MTR: variants seen among roughly 807,000 people sequenced by gnomAD.
The protein encoded by MTR is methionine synthase.
Under a neutral mutation model 154.8 loss-of-function variants are expected in MTR, and 84 were observed. The ratio of observed to expected loss-of-function variants is 0.54; its 90% CI spans 0.45 to 0.65. The LOEUF (loss-of-function observed/expected upper bound fraction) is 0.65, where lower values mean the gene tolerates loss of function less well. MTR is among the 30% of genes least tolerant of loss of function. The pLI is 0.00. For missense variants in MTR, 1,275 were observed against 1,570.2 expected (o/e 0.81, Z 3.18); for synonymous variants, 554 against 553.9 (o/e 1.00, Z 0.00).
intron 11 of MTR, 129 bp from the exon 12 acceptor site, chr1:236,829,056 AGTAG>A: frequency 1.4e-6 from 1 of 694,142 alleles, no homozygotes; most frequent in Non-Finnish European, 2.5e-6. Flanking sequence ...CACACTTGGA[AGTAG>A]GTATATAATT....
In MTR at chr1:236,810,357, T is replaced by G. The variant is rs532177604; in HGVS notation, c.410-146T>G. 3.7e-5 allele frequency: 26 copies of G among 701,680 alleles called. No homozygotes were observed. In the African/African-American group the frequency reaches 4.6e-4, roughly 12 times the overall value. The allele number at this position is 701,680 out of a possible 1,614,324, so 43.5% of individuals were successfully genotyped here. On this transcript the variant is annotated intron_variant, in intron 4 of 32. Transcript: ENST00000366577. ...TTATTGTCAAACTGAGAAAAAAGTT[T>G]GGGCTTTTAGAGCTTTTTGGATTTC... is the stretch of plus-strand genomic sequence containing the variant.
intron 16 of MTR, among the ~76,000 whole-genome samples, chr1:236,851,877 A>G (rs1371326623): frequency 6.6e-6 from 1 of 152,152 alleles, no homozygotes; most frequent in Non-Finnish European, 1.5e-5. Context: ...TAACTGTTCT[A>G]TTGTTGATGG....
rs1271358776 is a variant in MTR at position 236,863,514 on chromosome 1, A to C, written c.2365A>C (p.Lys789Gln). The change falls in exon 22 of 33, where the codon AAG becomes CAG. Residue 789 changes from lysine to glutamine, a missense_variant. By Grantham distance (53) the Lys-to-Gln change is moderately conservative. Transcript: ENST00000366577. ...TAAAGGCGACGTGCACGACATAGGC[A>C]AGAACATAGTTGGAGTAGTCCTTGG... is the stretch of plus-strand genomic sequence containing the variant. ...TVKGDVHDIGKNIVGVVLGCN... is the reference protein window; with the variant it reads ...TVKGDVHDIGQNIVGVVLGCN... The C allele has an allele frequency of 6.2e-7, 1 of 1,614,008 alleles. No homozygotes were observed. Among genetic ancestry groups the C allele is most frequent in the Non-Finnish European group, 8.5e-7 (1 of 1,179,986 alleles).
At chr1:236,869,584 G>A (rs1558325141) in intron 22 of MTR, among the ~76,000 whole-genome samples, 1 of 152,170 alleles carries the variant, frequency 6.6e-6, no homozygotes, top group African/African-American at 2.4e-5. Context: ...CCCATGTGGC[G>A]AAATACAGGA....
chr1:236,858,805 G>T (rs574921893), intron 18 of MTR, among the ~76,000 whole-genome samples: 1 of 152,292 alleles, frequency 6.6e-6, no homozygotes, highest in South Asian at 2.1e-4. Context: ...TCCAGTTGAG[G>T]TGGAGAAAAC....
rs760845484 is a variant in MTR at position 236,803,461 on chromosome 1, A to G, written c.68A>G (p.Asn23Ser). The change falls in exon 2 of 33, where the codon AAT becomes AGT. Residue 23 changes from asparagine to serine, a missense_variant. Asn to Ser is a conservative substitution (Grantham distance 46). Transcript: ENST00000366577. ...AAGAAAACCCTGCGGGATGAGATCA[A>G]TGCCATTCTGCAGAAGAGGATTATG... ...GLKKTLRDEI[N>S]AILQKRIMVL... The G allele has an allele frequency of 5.3e-5, 86 of 1,614,060 alleles. No homozygotes were observed. Among genetic ancestry groups the G allele is most frequent in the Middle Eastern group, 1.6e-4 (1 of 6,078 alleles).
chr1:236,861,034 C>A, intron 19 of MTR, 91 bp from the exon 20 acceptor site: 2 of 1,161,984 alleles, frequency 1.7e-6, no homozygotes, highest in Non-Finnish European at 1.2e-6. Flanking sequence ...TAGGCATTTT[C>A]ATGATGGCTC....
At position 236,889,231 on chromosome 1, in the gene MTR, A is replaced by G. The variant is rs1558342338; in HGVS notation, c.2902A>G (p.Lys968Glu). The change falls in exon 28 of 33, where the codon AAG becomes GAG. Residue 968 changes from lysine to glutamate, a missense_variant. Coordinates refer to ENST00000366577, the MANE Select transcript of MTR (RefSeq NM_000254.3). ...TQVFEDYDLQ[K>E]LVDYIDWKPF... is the part of the protein sequence containing the mutation. ...GGTCTTTGAAGACTATGACCTGCAG[A>G]AGCTGGTGGACTACATTGACTGGAA... The G allele has an allele frequency of 3.7e-6, 6 of 1,614,194 alleles. No individual in the cohort carries two copies. Among genetic ancestry groups the G allele is most frequent in the Non-Finnish European group, 5.1e-6 (6 of 1,180,028 alleles).
chr1:236,875,842 G>A (rs1665402756), intron 24 of MTR, among the ~76,000 whole-genome samples: 1 of 152,130 alleles, frequency 6.6e-6, no homozygotes, highest in Non-Finnish European at 1.5e-5. Context: ...TATATAGAGA[G>A]AAAGAGATTT....
chr1:236,863,421 C>T (rs1664659365), intron 21 of MTR, 33 bp from the exon 22 acceptor site: 15 of 1,586,720 alleles, frequency 9.5e-6, no homozygotes, highest in Non-Finnish European at 1.3e-5. Context: ...CTAAACAACC[C>T]TGCCTTGCTG....
At chr1:236,891,423 C>A in intron 29 of MTR, 94 bp downstream of exon 29, 2 of 1,262,478 alleles carry the variant, frequency 1.6e-6, no homozygotes, top group Non-Finnish European at 2.3e-6. Flanking sequence ...GTCTGCTTCA[C>A]CTCCTCCCAA....
intron 22 of MTR, among the ~76,000 whole-genome samples, chr1:236,871,548 T>G (rs1007717728): frequency 6.6e-6 from 1 of 152,234 alleles, no homozygotes; most frequent in African/African-American, 2.4e-5. Flanking sequence ...ATGTATGCCT[T>G]TTTGTCTTGA....
chr1:236,887,965 A>G (rs1249105969), intron 27 of MTR, among the ~76,000 whole-genome samples: 1 of 152,224 alleles, frequency 6.6e-6, no homozygotes, highest in East Asian at 1.9e-4. Flanking sequence ...TACTAAGGGG[A>G]CTATAAAGGC....
intron 6 of MTR, 132 bp downstream of exon 6, chr1:236,812,976 G>T (rs1661389264): frequency 1.3e-6 from 1 of 776,518 alleles, no homozygotes. Flanking sequence ...TTTTATTCTT[G>T]AGTATTTTTA....
chr1:236,827,217 C>T (rs1043973276), intron 11 of MTR, among the ~76,000 whole-genome samples: 8 of 152,156 alleles, frequency 5.3e-5, no homozygotes, highest in Admixed American at 3.3e-4. Context: ...ATGAAAGAGG[C>T]CTTAAAAGAA....
chr1:236,880,912 C>A, intron 25 of MTR, 76 bp downstream of exon 25: 3 of 1,382,944 alleles, frequency 2.2e-6, no homozygotes, highest in Non-Finnish European at 3.1e-6. Flanking sequence ...AACTTAAGAT[C>A]TATTCATTTT....
intron 1 of MTR, among the ~76,000 whole-genome samples, chr1:236,802,006 T>C (rs543273862): frequency 1.3e-5 from 2 of 152,230 alleles, no homozygotes; most frequent in Admixed American, 1.3e-4. Flanking sequence ...AAACTAGAGC[T>C]CAGAGAGGAT....
rs775527576 is a variant in MTR at position 236,885,227 on chromosome 1, G to C, written c.2775+8G>C. The C allele has an allele frequency of 1.3e-6, 2 of 1,521,128 alleles. No homozygotes were observed. The highest frequency in any genetic ancestry group is 2.7e-5 in the African/African-American group (2 of 72,802). The allele number at this position is 1,521,128 out of a possible 1,614,324, so 94.2% of individuals were successfully genotyped here. ...CATTATGAGTCTCTCAAGGTAAGTG[G>C]TAGAAACAGATTTTTGCTTGTTTTT... On this transcript the variant is annotated splice_region_variant and intron_variant, in intron 26 of 32. Coordinates refer to ENST00000366577, the MANE Select transcript of MTR (RefSeq NM_000254.3).
intron 18 of MTR, among the ~76,000 whole-genome samples, chr1:236,859,327 A>T (rs978319864): frequency 6.6e-6 from 1 of 152,244 alleles, no homozygotes; most frequent in Non-Finnish European, 1.5e-5. Context: ...GGGCAGAGGG[A>T]TTAGGTTTCC....
Sources: gnomAD v4.1 joint callset for allele counts (sites outside exome capture counted in the v4.1 genomes callset) on GRCh38, gnomAD v4.1.1 for gene constraint, MANE v1.5 for transcripts, NCBI Gene and HGNC (gene_info 2026-07-23, HGNC 2026-07-21) for gene names.